The following NFXL1 variants were observed in gnomAD, a reference collection of about 807,000 sequenced individuals.
The protein encoded by NFXL1 is NF-X1-type zinc finger protein NFXL1.
Under a neutral mutation model 123.3 loss-of-function variants are expected in NFXL1, and 66 were observed. The ratio of observed to expected loss-of-function variants is 0.54; its 90% confidence interval spans 0.44 to 0.66. The LOEUF is 0.66. NFXL1 is among the 30% of genes least tolerant of loss of function. NFXL1 has a pLI of 0.00. For missense variants in NFXL1, 944 were observed against 1,125.6 expected, an observed-to-expected ratio of 0.84 and a Z score of 2.31; for synonymous variants, 346 against 360.8, an observed-to-expected ratio of 0.96 and a Z score of 0.46.
At chr4:47,895,615 G>T (rs1198557902) in intron 10 of NFXL1, among the ~76,000 whole-genome samples, 1 of 152,188 alleles carries the variant, frequency 6.6e-6, no homozygotes, top group Non-Finnish European at 1.5e-5. Flanking sequence ...AGCCTTCACA[G>T]AATTGAAGTT....
In NFXL1 at chr4:47,874,710, A is replaced by AGAT. The variant is rs1553924396; in HGVS notation, c.2246+416_2246+417insATC. Among the ~76,000 whole-genome samples, 27 of 151,754 alleles carry AGAT rather than the reference A, an allele frequency of 1.8e-4. No homozygotes were observed. In the East Asian group the frequency reaches 5.0e-3, roughly 28 times the overall value. On this transcript the variant is annotated intron_variant, in intron 18 of 22. Transcript: ENST00000507489. ...ATAGACTTGCTCAATGCAGGTTGAC[A>AGAT]AACTCCAATTTGTAAAAAACTCAGT...
intron 19 of NFXL1, among the ~76,000 whole-genome samples, chr4:47,857,352 G>A (rs1001584701): frequency 6.6e-6 from 1 of 152,038 alleles, no homozygotes; most frequent in African/African-American, 2.4e-5. Flanking sequence ...GATTCTATAG[G>A]AGAAAGTGAA....
rs1484837768 is a variant in NFXL1, at chr4:47,914,221, A to AT, written c.-2-17_-2-16insA. ...GCTTCCATCCCTGCAAAGGAGAAAA[A>AT]AAAAAAAAAGAGTGGAAGGAGGTGA... On this transcript the variant is annotated splice_polypyrimidine_tract_variant and intron_variant, in intron 1 of 22. Coordinates refer to ENST00000507489, the MANE Select transcript of NFXL1 (RefSeq NM_001278624.2). The AT allele has an allele frequency of 6.9e-7, 1 of 1,454,284 alleles. No individual in the cohort carries two copies. Among genetic ancestry groups the AT allele is most frequent in the East Asian group, 2.5e-5 (1 of 39,898 alleles). The allele number at this position is 1,454,284 out of a possible 1,614,324, so 90.1% of individuals were successfully genotyped here.
chr4:47,902,693 T>C (rs866541188), intron 5 of NFXL1, among the ~76,000 whole-genome samples: 21 of 152,210 alleles, frequency 1.4e-4, no homozygotes, highest in South Asian at 6.2e-4. Context: ...GGATGATTTA[T>C]TAGTTATCAA....
In NFXL1 at chr4:47,883,398, A is replaced by ATAAT. The variant is rs1285455406; in HGVS notation, c.1916+944_1916+947dup. Reference sequence around the variant, plus strand: ...CTCAAGGAAAAATTTTAGGCCACTAATAATTCTAACTTAGAGATATTAGCA... The same window carrying ATAAT: ...CTCAAGGAAAAATTTTAGGCCACTAATAATTAATTCTAACTTAGAGATATTAGCA... On this transcript the variant is annotated intron_variant, in intron 15 of 22. Transcript: ENST00000507489. 1.1e-4 allele frequency among the ~76,000 whole-genome samples: 17 copies of ATAAT among 152,316 alleles called. No homozygotes were observed. In the East Asian group the frequency reaches 2.9e-3, roughly 26 times the overall value.
intron 2 of NFXL1, among the ~76,000 whole-genome samples, chr4:47,913,435 A>G (rs1454460906): frequency 6.6e-6 from 1 of 152,250 alleles, no homozygotes; most frequent in African/African-American, 2.4e-5. Flanking sequence ...GTCAAGAAAC[A>G]AAGGCAAAGG....
rs765295455 is a variant in NFXL1 at position 47,914,511 on chromosome 4, C to G, written c.-149G>C. ...GAGAAGTCGAAACCGCCTCCTCAGC[C>G]TCTGCGGGAGCGTGGTAGGGGAAGA... On this transcript the variant is annotated 5_prime_UTR_variant, in exon 1 of 23. Transcript: ENST00000507489. The G allele has an allele frequency of 6.2e-6, 2 of 324,350 alleles. No homozygotes were observed. The highest frequency in any genetic ancestry group is 1.1e-5 in the Non-Finnish European group (2 of 175,812). 20.1% of individuals were successfully genotyped at this position (324,350 alleles called of 1,614,324 possible). A position where few individuals can be genotyped will look rare whatever the true frequency, so the allele number is the denominator to read the frequency against.
intron 15 of NFXL1, among the ~76,000 whole-genome samples, chr4:47,881,386 G>A (rs1736107010): frequency 6.6e-6 from 1 of 151,944 alleles, no homozygotes; most frequent in Non-Finnish European, 1.5e-5. Context: ...ACCACATGTT[G>A]GTGAGAATAA....
At chr4:47,904,469 G>A (rs1195852853) in intron 4 of NFXL1, among the ~76,000 whole-genome samples, 2 of 152,182 alleles carry the variant, frequency 1.3e-5, no homozygotes, top group African/African-American at 4.8e-5. Context: ...ATTCCCTGCA[G>A]CTGAAATCAG....
intron 20 of NFXL1, among the ~76,000 whole-genome samples, chr4:47,853,361 T>C (rs937515724): frequency 6.6e-6 from 1 of 152,116 alleles, no homozygotes; most frequent in African/African-American, 2.4e-5. Flanking sequence ...TTATTAAACA[T>C]AGCATTGTTT....
At chr4:47,854,306 AG>A (rs1431055883) in intron 20 of NFXL1, among the ~76,000 whole-genome samples, 1 of 152,142 alleles carries the variant, frequency 6.6e-6, no homozygotes, top group East Asian at 1.9e-4. Context: ...AGGAATATGA[AG>A]GAAAAAAAAG....
chr4:47,885,603 A>T lies in NFXL1; in HGVS notation c.1719T>A (p.Gly573=). 6.2e-7 allele frequency: 1 copy of T among 1,614,004 alleles called. No homozygotes were observed. The highest frequency in any genetic ancestry group is 8.5e-7 in the Non-Finnish European group (1 of 1,179,836). The change falls in exon 14 of 23, where the codon GGT becomes GGA. Residue 573 remains glycine (G), a synonymous_variant. Coordinates refer to ENST00000507489, the MANE Select transcript of NFXL1 (RefSeq NM_001278624.2). ...TSQEKHRCHF[G]SCPPCHQPCQ... The stretch of plus-strand genomic sequence containing the variant: ...AAGGTTGATGACATGGTGGACAAGA[A>T]CCAAAGTGACAGCGATGTTTTTCTT...
At chr4:47,897,326 CA>C (rs1388097474) in intron 9 of NFXL1, among the ~76,000 whole-genome samples, 9 of 152,044 alleles carry the variant, frequency 5.9e-5, no homozygotes. Flanking sequence ...AAAACTGTAA[CA>C]ACTACAAAAT....
intron 16 of NFXL1, 154 bp from the exon 17 acceptor site, chr4:47,878,819 T>C (rs1735909811): frequency 3.6e-6 from 2 of 550,810 alleles, no homozygotes; most frequent in South Asian, 5.1e-5. Flanking sequence ...CAAAGTAACC[T>C]GTCAAAATAT....
At chr4:47,852,937 T>C (rs1042653101) in intron 20 of NFXL1, among the ~76,000 whole-genome samples, 3 of 151,896 alleles carry the variant, frequency 2.0e-5, no homozygotes, top group African/African-American at 7.2e-5. Context: ...AAAAGCATTT[T>C]ATGGCATGGA....
intron 19 of NFXL1, among the ~76,000 whole-genome samples, chr4:47,855,659 C>T (rs940054536): frequency 1.3e-5 from 2 of 151,994 alleles, no homozygotes; most frequent in Non-Finnish European, 2.9e-5. Flanking sequence ...CCTACCTTCC[C>T]TGTACTGCAC....
intron 19 of NFXL1, among the ~76,000 whole-genome samples, chr4:47,862,444 G>GATGCACACAC (rs1463350365): frequency 6.6e-6 from 1 of 152,054 alleles, no homozygotes; most frequent in Non-Finnish European, 1.5e-5. Flanking sequence ...TTCCACCACA[G>GATGCACACAC]ATGCACACAC....
intron 15 of NFXL1, among the ~76,000 whole-genome samples, 195 bp downstream of exon 15, chr4:47,884,151 T>C (rs984018058): frequency 2.0e-5 from 3 of 152,136 alleles, no homozygotes; most frequent in Admixed American, 1.3e-4. Flanking sequence ...AAAAGATATC[T>C]ATAGTAGGTT....
chr4:47,860,440 T>A (rs1053870247), intron 19 of NFXL1, among the ~76,000 whole-genome samples: 1 of 152,178 alleles, frequency 6.6e-6, no homozygotes, highest in Non-Finnish European at 1.5e-5. Context: ...ATCCATAGAG[T>A]GTGTATCAGA....
Sources: allele counts gnomAD v4.1 joint callset (sites outside exome capture counted in the v4.1 genomes callset), GRCh38; gene constraint gnomAD v4.1.1; transcripts MANE v1.5; gene names NCBI Gene and HGNC (gene_info 2026-07-23, HGNC 2026-07-21).